The following ROBO1 variants were observed in gnomAD, a reference collection of about 807,000 sequenced individuals.
ROBO1 encodes the protein roundabout guidance receptor 1, also known as roundabout homolog 1.
In ROBO1, 149 loss-of-function variants were observed where a neutral mutation model predicts 195.9. That is an observed-to-expected ratio of 0.76 (90% CI 0.67 to 0.87). The LOEUF is 0.87. ROBO1 is among the 40% of genes least tolerant of loss of function. The probability of loss-of-function intolerance (pLI) is 0.00; values close to 1 mark genes in which losing one functional copy is unlikely to be tolerated. For missense variants in ROBO1, 1,933 were observed against 2,068.3 expected (o/e 0.93, Z 1.27); for synonymous variants, 816 against 733.2 (o/e 1.11, Z -1.82).
intron 2 of ROBO1, among the ~76,000 whole-genome samples, chr3:79,156,571 G>C (rs976145157): frequency 1.3e-5 from 2 of 151,714 alleles, no homozygotes; most frequent in South Asian, 2.1e-4. Flanking sequence ...AATTCAGTTT[G>C]GTTATGGGGT....
chr3:78,737,055 T>C (rs534819720), intron 5 of ROBO1, among the ~76,000 whole-genome samples: 14 of 152,310 alleles, frequency 9.2e-5, no homozygotes, highest in Non-Finnish European at 1.8e-4. Context: ...GACAGAATTC[T>C]CCTGTGGAAT....
intron 10 of ROBO1, among the ~76,000 whole-genome samples, chr3:78,678,451 G>T (rs1708576277): frequency 6.6e-6 from 1 of 152,118 alleles, no homozygotes; most frequent in Non-Finnish European, 1.5e-5. Context: ...GAGGAAAAGA[G>T]AGAAGAATCA....
At chr3:78,644,704 T>G (rs1706169251) in intron 21 of ROBO1, among the ~76,000 whole-genome samples, 1 of 152,194 alleles carries the variant, frequency 6.6e-6, no homozygotes, top group Admixed American at 6.6e-5. Flanking sequence ...TACCTATGCA[T>G]TCCTGCCATT....
chr3:79,108,953 A>AT (rs1481553668), intron 3 of ROBO1, among the ~76,000 whole-genome samples: 1 of 151,988 alleles, frequency 6.6e-6, no homozygotes, highest in Admixed American at 6.6e-5. Context: ...AAATCAAATA[A>AT]TAAGTATTTT....
chr3:78,612,053 T>C (rs1048219622), intron 28 of ROBO1, among the ~76,000 whole-genome samples: 8 of 152,206 alleles, frequency 5.3e-5, no homozygotes, highest in African/African-American at 9.6e-5. Context: ...AGAAGGATCA[T>C]CGCAAATTAC....
intron 23 of ROBO1, among the ~76,000 whole-genome samples, chr3:78,634,743 G>A (rs141602099): frequency 1.0e-3 from 158 of 152,184 alleles, no homozygotes; most frequent in African/African-American, 3.6e-3. Flanking sequence ...CAGGAGTCTC[G>A]ATCCATATTT....
chr3:78,870,331 T>C (rs1044041927), intron 4 of ROBO1, among the ~76,000 whole-genome samples: 5 of 152,188 alleles, frequency 3.3e-5, no homozygotes, highest in Admixed American at 6.5e-5. Flanking sequence ...TTTGTTCTGA[T>C]ACTCAATACT....
chr3:79,082,847 AGAGGCAGGTTGATGGTGTGGAGG>A (rs2079299606), intron 3 of ROBO1, among the ~76,000 whole-genome samples: 1 of 151,960 alleles, frequency 6.6e-6, no homozygotes, highest in Admixed American at 6.6e-5. Context: ...TGGTGTGGAG[AGAGGCAGGTTGATGGTGTGGAGG>A]GAGGCAGGTT....
At position 78,936,900 on chromosome 3, in the gene ROBO1, G is replaced by A. The variant is rs114319365; in HGVS notation, c.499+1701C>T. Among the ~76,000 whole-genome samples, 510 of 152,172 alleles carry A rather than the reference G, an allele frequency of 3.4e-3. 4 individuals are homozygous for A. The highest frequency in any genetic ancestry group is 0.012 in the African/African-American group (485 of 41,554). ...CTAGCCTTCTGTTATGATGACAGCT[G>A]TCATTCACCTCACTAATTTAGTTCT... On this transcript the variant is annotated intron_variant, in intron 4 of 30. Coordinates refer to ENST00000464233, the MANE Select transcript of ROBO1 (RefSeq NM_002941.4).
intron 3 of ROBO1, among the ~76,000 whole-genome samples, chr3:78,957,245 G>A (rs1215838130): frequency 1.3e-5 from 2 of 149,726 alleles, no homozygotes; most frequent in African/African-American, 4.9e-5. Context: ...CGAAATATAT[G>A]TACTAAATGT....
chr3:79,343,322 A>T (rs1309002869), intron 2 of ROBO1, among the ~76,000 whole-genome samples: 2 of 152,182 alleles, frequency 1.3e-5, no homozygotes, highest in Non-Finnish European at 2.9e-5. Context: ...TTGTGCAATA[A>T]AAGTTTCCTG....
chr3:79,274,402 G>T (rs2030842534), intron 2 of ROBO1, among the ~76,000 whole-genome samples: 1 of 151,948 alleles, frequency 6.6e-6, no homozygotes, highest in Non-Finnish European at 1.5e-5. Context: ...TGAATGACCT[G>T]CGGGTCAATG....
At chr3:78,603,946 A>AT (rs372390710) in intron 29 of ROBO1, among the ~76,000 whole-genome samples, 2 of 152,234 alleles carry the variant, frequency 1.3e-5, no homozygotes, top group Admixed American at 6.5e-5. Context: ...ATTTCTGAAG[A>AT]TTGATTTTAA....
intron 26 of ROBO1, among the ~76,000 whole-genome samples, chr3:78,623,819 A>G (rs1400464801): frequency 6.6e-6 from 1 of 152,198 alleles, no homozygotes; most frequent in African/African-American, 2.4e-5. Flanking sequence ...AGTTGGATAT[A>G]TGGGTCGGAA....
At chr3:79,294,899 T>C (rs2032492317) in intron 2 of ROBO1, among the ~76,000 whole-genome samples, 1 of 152,220 alleles carries the variant, frequency 6.6e-6, no homozygotes, top group Non-Finnish European at 1.5e-5. Context: ...CACAGTGAGA[T>C]ACCATCTCAC....
intron 4 of ROBO1, among the ~76,000 whole-genome samples, chr3:78,929,768 C>T (rs1016237325): frequency 5.3e-5 from 8 of 151,928 alleles, no homozygotes; most frequent in South Asian, 4.2e-4. Flanking sequence ...GCCTCCCAAA[C>T]TGCTGGGATT....
intron 3 of ROBO1, among the ~76,000 whole-genome samples, chr3:78,940,789 G>C (rs904030295): frequency 6.6e-6 from 1 of 152,170 alleles, no homozygotes; most frequent in African/African-American, 2.4e-5. Flanking sequence ...TGTAAGATCT[G>C]TGGGTCTGGT....
At chr3:79,765,926 A>G (rs1704959926) in intron 1 of ROBO1, among the ~76,000 whole-genome samples, 1 of 151,728 alleles carries the variant, frequency 6.6e-6, no homozygotes, top group African/African-American at 2.4e-5. Context: ...CCATCTCTTA[A>G]CAGGCCTCTG....
At chr3:79,007,819 C>A (rs1000468474) in intron 3 of ROBO1, among the ~76,000 whole-genome samples, 2 of 152,172 alleles carry the variant, frequency 1.3e-5, no homozygotes, top group African/African-American at 4.8e-5. Context: ...ACCTACACAG[C>A]AATCAACCAT....
Sources: allele counts gnomAD v4.1 joint callset (sites outside exome capture counted in the v4.1 genomes callset), GRCh38; gene constraint gnomAD v4.1.1; transcripts MANE v1.5; gene names NCBI Gene and HGNC (gene_info 2026-07-23, HGNC 2026-07-21).